Variants in PRSS38 observed in about 807,000 individuals in gnomAD.
PRSS38 encodes the protein serine protease 38, also known as marapsin 2.
In PRSS38, 22 loss-of-function variants were observed where a neutral mutation model predicts 26.8. The ratio of observed to expected loss-of-function variants is 0.82; its 90% CI spans 0.59 to 1.17. The LOEUF (loss-of-function observed/expected upper bound fraction) is 1.17. Ranked by LOEUF, PRSS38 falls within the 50% of genes most tolerant of loss-of-function variation. PRSS38 has a pLI of 0.00. For missense variants in PRSS38, 427 were observed against 422.7 expected (o/e 1.01, Z -0.09); for synonymous variants, 175 against 172.1 (o/e 1.02, Z -0.13).
At position 227,826,476 on chromosome 1, in the gene PRSS38, G is replaced by A. The variant is rs190286789; in HGVS notation, c.583+8996G>A. The stretch of plus-strand genomic sequence containing the variant: ...CGCCTGTAATCCCAACACTTTGGGA[G>A]GTTGAGGCGGGTGGATCACCTGAGG... On this transcript the variant is annotated intron_variant, in intron 3 of 4. Transcript: ENST00000366757. Among the ~76,000 whole-genome samples the A allele has an allele frequency of 7.9e-5, 12 of 152,322 alleles. No homozygotes were observed. The East Asian group carries it at 2.1e-3, about 27-fold the overall frequency.
chr1:227,828,514 A>T (rs1259849664), intron 3 of PRSS38, among the ~76,000 whole-genome samples: 3 of 152,148 alleles, frequency 2.0e-5, no homozygotes, highest in Non-Finnish European at 4.4e-5. Context: ...CTGGCTTGGA[A>T]TTCCAGCCTG....
At chr1:227,845,345 C>CT (rs144780550) in intron 3 of PRSS38, 125 bp from the exon 4 acceptor site, 10,584 of 653,538 alleles carry the variant, frequency 0.016, 370 homozygotes, top group African/African-American at 0.073. Context: ...GTCATCAGGG[C>CT]TCCTTCCTAC....
At chr1:227,818,306 T>C (rs918121120) in intron 3 of PRSS38, among the ~76,000 whole-genome samples, 2 of 152,192 alleles carry the variant, frequency 1.3e-5, no homozygotes, top group African/African-American at 4.8e-5. Context: ...TATAGAAAAT[T>C]ATTGATTTTA....
chr1:227,834,080 G>A (rs1471666623), intron 3 of PRSS38, among the ~76,000 whole-genome samples: 6 of 152,120 alleles, frequency 3.9e-5, no homozygotes, highest in African/African-American at 1.4e-4. Context: ...AGAGACTGGA[G>A]CCATGCACCT....
Position 227,816,067 on chromosome 1 carries a change from C to T in PRSS38, c.149-23C>T, listed in dbSNP as rs766441719. The T allele has an allele frequency of 8.1e-6, 13 of 1,603,096 alleles. No individual in the cohort carries two copies. Among genetic ancestry groups the T allele is most frequent in the Middle Eastern group, 3.4e-4 (2 of 5,890 alleles). The stretch of plus-strand genomic sequence containing the variant: ...TCCCGTGGCCCCAGCATGGCTCCAC[C>T]GTCAGCTCCGTTCTCCCTGCAGCCT... On this transcript the variant is annotated intron_variant, in intron 1 of 4. Coordinates refer to ENST00000366757, the Ensembl canonical transcript of PRSS38. This position sits in a 1 kb window ranked among gnomAD's most constrained non-coding sequence, Gnocchi z 5.1.
At position 227,816,125 on chromosome 1, in the gene PRSS38, G is replaced by A; in HGVS notation, c.184G>A (p.Gly62Ser). 1.2e-6 allele frequency: 2 copies of A among 1,613,622 alleles called. No individual in the cohort carries two copies. Among genetic ancestry groups the A allele is most frequent in the Non-Finnish European group, 1.7e-6 (2 of 1,179,876 alleles). ...GCCCAGCATGGAGGGGAAAATCCTG[G>A]GCGGCGTCCCTGCGCCCGAGAGGAA... Residue 62 changes from glycine to serine, a missense_variant, in exon 2 of 5, where the codon GGC becomes AGC. By Grantham distance (56) the Gly-to-Ser change is moderately conservative. Transcript: ENST00000366757. This position sits in a 1 kb window ranked among gnomAD's most constrained non-coding sequence, Gnocchi z 5.1.
At chr1:227,839,895 G>A (rs374719630) in intron 3 of PRSS38, among the ~76,000 whole-genome samples, 6 of 152,284 alleles carry the variant, frequency 3.9e-5, no homozygotes, top group East Asian at 3.9e-4. Flanking sequence ...CACCCTCAGC[G>A]GATCTTTATT....
At position 227,817,162 on chromosome 1, in the gene PRSS38, C is replaced by A. The variant is rs764888949; in HGVS notation, c.312-47C>A. 5 of 1,582,862 alleles carry A rather than the reference C, an allele frequency of 3.2e-6. No individual in the cohort carries two copies. The East Asian group carries it at 1.1e-4, about 36-fold the overall frequency. Reference sequence around the variant, plus strand: ...TGGCCTCCCCAGGCCTGTGGGCTGACCACACAGGAAGCTGCGGGCATTGTA... The same window carrying A: ...TGGCCTCCCCAGGCCTGTGGGCTGAACACACAGGAAGCTGCGGGCATTGTA... On this transcript the variant is annotated intron_variant, in intron 2 of 4. Transcript: ENST00000366757.
intron 3 of PRSS38, among the ~76,000 whole-genome samples, chr1:227,830,349 C>G (rs532171186): frequency 6.6e-6 from 1 of 151,972 alleles, no homozygotes; most frequent in African/African-American, 2.4e-5. Context: ...TGAGCAAAGC[C>G]ACCTGGGCCT....
At chr1:227,832,652 A>G (rs1665171822) in intron 3 of PRSS38, among the ~76,000 whole-genome samples, 1 of 152,204 alleles carries the variant, frequency 6.6e-6, no homozygotes, top group Non-Finnish European at 1.5e-5. Flanking sequence ...CAGAAGCTCT[A>G]GACAGACAAA....
exon 3 of PRSS38, chr1:227,817,315 A>G: frequency 6.2e-7 from 1 of 1,614,168 alleles, no homozygotes; most frequent in Non-Finnish European, 8.5e-7. Context: ...CCTGCACCCC[A>G]CATATGAGAT....
chr1:227,842,640 C>A (rs1339345875), intron 3 of PRSS38, among the ~76,000 whole-genome samples: 1 of 151,316 alleles, frequency 6.6e-6, no homozygotes, highest in Admixed American at 6.6e-5. Flanking sequence ...AGTGCAATGG[C>A]GTGATCTCTG....
At chr1:227,843,174 G>A (rs181050589) in intron 3 of PRSS38, among the ~76,000 whole-genome samples, 1 of 152,290 alleles carries the variant, frequency 6.6e-6, no homozygotes, top group Non-Finnish European at 1.5e-5. Flanking sequence ...TGTAGCACAG[G>A]GCTCCAGGAT....
chr1:227,825,186 G>T (rs908286580), intron 3 of PRSS38, among the ~76,000 whole-genome samples: 10 of 152,024 alleles, frequency 6.6e-5, no homozygotes, highest in Admixed American at 1.3e-4. Context: ...TTTCTTCTAG[G>T]TTTTTTATTT....
In PRSS38 at chr1:227,819,885, T is replaced by C. The variant is rs1365545530; in HGVS notation, c.583+2405T>C. ...GCGGGCGGTTCACAAGGTCAAGAGATTGAGACTATCCTGGCCAACATGGTG... is the reference window on the plus strand; with the variant it reads ...GCGGGCGGTTCACAAGGTCAAGAGACTGAGACTATCCTGGCCAACATGGTG... On this transcript the variant is annotated intron_variant, in intron 3 of 4. Coordinates refer to ENST00000366757, the Ensembl canonical transcript of PRSS38. Among the ~76,000 whole-genome samples the C allele has an allele frequency of 2.0e-5, 3 of 152,062 alleles. No homozygotes were observed. In the South Asian group the frequency reaches 6.2e-4, roughly 32 times the overall value.
chr1:227,835,397 A>G (rs1318663854), intron 3 of PRSS38, among the ~76,000 whole-genome samples: 1 of 151,828 alleles, frequency 6.6e-6, no homozygotes, highest in Non-Finnish European at 1.5e-5. Flanking sequence ...CAAGACCCCA[A>G]CTCTAAAAAA....
intron 3 of PRSS38, among the ~76,000 whole-genome samples, chr1:227,823,823 T>A (rs1451346716): frequency 1.3e-5 from 2 of 152,202 alleles, no homozygotes; most frequent in Admixed American, 6.6e-5. Flanking sequence ...CCTCTTTTCC[T>A]TATAATTTCC....
rs994221850 is a variant in PRSS38 at position 227,816,135 on chromosome 1, C to T, written c.194C>T (p.Pro65Leu). ...GAGGGGAAAATCCTGGGCGGCGTCC[C>T]TGCGCCCGAGAGGAAGTGGCCGTGG... The change falls in exon 2 of 5, where the codon CCT becomes CTT. Residue 65 changes from proline to leucine, a missense_variant. Coordinates refer to ENST00000366757, the Ensembl canonical transcript of PRSS38. The surrounding 1 kb of genome is among the most constrained non-coding windows in gnomAD (Gnocchi z 5.1). 87 of 1,613,624 alleles carry T rather than the reference C, an allele frequency of 5.4e-5. No individual in the cohort carries two copies. The highest frequency in any genetic ancestry group is 7.0e-5 in the Non-Finnish European group (83 of 1,179,904).
At chr1:227,824,993 C>A (rs1665051238) in intron 3 of PRSS38, among the ~76,000 whole-genome samples, 1 of 152,036 alleles carries the variant, frequency 6.6e-6, no homozygotes, top group Non-Finnish European at 1.5e-5. Flanking sequence ...GGATAGATTG[C>A]AAAATTTTTC....
Sources: allele counts gnomAD v4.1 joint callset (sites outside exome capture counted in the v4.1 genomes callset), GRCh38; gene constraint gnomAD v4.1.1; non-coding constraint Gnocchi (gnomAD v3.1); transcripts MANE v1.5; gene names NCBI Gene and HGNC (gene_info 2026-07-23, HGNC 2026-07-21).